The following OR6Y1 variants were observed in gnomAD, a reference collection of about 807,000 sequenced individuals.
OR6Y1 encodes the protein olfactory receptor 6Y1.
A neutral mutation model predicts 0.4 loss-of-function variants in OR6Y1; 1 was observed. The ratio of observed to expected loss-of-function variants is 2.74; its 90% CI spans 0.97 to 13.02. The LOEUF is 13.02. Among genes scored for constraint, OR6Y1 ranks in the 30% most tolerant of loss-of-function variants. The pLI is 0.12. For synonymous variants in OR6Y1, 173 were observed against 141.1 expected (o/e 1.23, Z -1.60); for missense variants, 480 against 399.8 (o/e 1.20, Z -1.71).
Position 158,548,054 on chromosome 1 carries a change from T to C in OR6Y1, c.52A>G (p.Ile18Val). 1.2e-6 allele frequency: 2 copies of C among 1,613,478 alleles called. No homozygotes were observed. The highest frequency in any genetic ancestry group is 1.7e-6 in the Non-Finnish European group (2 of 1,179,954). The change falls in exon 2 of 2, where the codon ATT becomes GTT. Residue 18 changes from isoleucine (I) to valine (V), a missense_variant. Physicochemically the swap from Ile to Val is conservative, Grantham distance 29 (BLOSUM62 3). Coordinates refer to ENST00000641622, the MANE Select transcript of OR6Y1 (RefSeq NM_001005189.2). ...VDNHTVTTRF[I>V]LLGFPTRPAF... ...GGTCGTGTTGGAAACCCCAGAAGAA[T>C]GAAACGTGTTGTCACTGTATGATTA...
rs1647643894 is a variant in OR6Y1, at chr1:158,549,519, A to C, written c.-1414T>G. 6.6e-6 allele frequency: 1 copy of C among 151,480 alleles called. No homozygotes were observed. The highest frequency in any genetic ancestry group is 6.6e-5 in the Admixed American group (1 of 15,230). The allele number at this position is 151,480 out of a possible 1,614,324, so 9.4% of individuals were successfully genotyped here. A position where few individuals can be genotyped will look rare whatever the true frequency, so the allele number is the denominator to read the frequency against. ...TACTATCCATTTCCTCTTCCCACTT[A>C]GATTTCAGCTTTAGATTCCTGAAAG... On this transcript the variant is annotated 5_prime_UTR_variant, in exon 2 of 2. An upstream open reading frame in the 5' UTR loses its in-frame stop. Coordinates refer to ENST00000641622, the MANE Select transcript of OR6Y1 (RefSeq NM_001005189.2).
At position 158,546,181 on chromosome 1, in the gene OR6Y1, C is replaced by A. The variant is rs1647524486; in HGVS notation, c.*947G>T. ...CCAGTCATATTGTCTTAGGGCCCAC[C>A]CTAGCAGTCAAATTTTAGCTCGATT... On this transcript the variant is annotated 3_prime_UTR_variant, in exon 2 of 2. Transcript: ENST00000641622. 1 of 152,004 alleles carries A rather than the reference C, an allele frequency of 6.6e-6. No individual in the cohort carries two copies. The highest frequency in any genetic ancestry group is 2.1e-4 in the South Asian group (1 of 4,816). The allele number at this position is 152,004 out of a possible 1,614,324, so 9.4% of individuals were successfully genotyped here. A position where few individuals can be genotyped will look rare whatever the true frequency, so the allele number is the denominator to read the frequency against.
intron 1 of OR6Y1, among the ~76,000 whole-genome samples, chr1:158,551,924 A>T (rs1433543375): frequency 6.7e-6 from 1 of 148,962 alleles, no homozygotes; most frequent in East Asian, 1.9e-4. Flanking sequence ...ACTTTGCCTG[A>T]TTTTTTCCAG....
intron 1 of OR6Y1, among the ~76,000 whole-genome samples, chr1:158,549,966 C>T (rs1358861578): frequency 6.6e-6 from 1 of 151,772 alleles, no homozygotes; most frequent in Non-Finnish European, 1.5e-5. Flanking sequence ...ATGTTTCTAG[C>T]TATTGAGGGT....
At chr1:158,550,947 A>G (rs6697656) in intron 1 of OR6Y1, among the ~76,000 whole-genome samples, 91,645 of 151,662 alleles carry the variant, frequency 0.6, 28,477 homozygotes, top group African/African-American at 0.72. Flanking sequence ...CCATCATGGA[A>G]TTAGCACCAA....
chr1:158,545,562 CAT>C lies in OR6Y1; in HGVS notation c.*1564_*1565del, dbSNP rs1471201044. The C allele has an allele frequency of 1.3e-5, 2 of 151,904 alleles. No homozygotes were observed. The highest frequency in any genetic ancestry group is 2.9e-5 in the Non-Finnish European group (2 of 67,946). The allele number at this position is 151,904 out of a possible 1,614,324, so 9.4% of individuals were successfully genotyped here. A position where few individuals can be genotyped will look rare whatever the true frequency, so the allele number is the denominator to read the frequency against. On this transcript the variant is annotated 3_prime_UTR_variant, in exon 2 of 2. Coordinates refer to ENST00000641622, the MANE Select transcript of OR6Y1 (RefSeq NM_001005189.2). ...TCTAATGATCAGTGAGCCTTTTTTT[CAT>C]ATGATTGTTGGCTGCATGTATGTTT...
intron 1 of OR6Y1, among the ~76,000 whole-genome samples, chr1:158,550,226 A>C (rs556475722): frequency 6.6e-6 from 1 of 150,880 alleles, no homozygotes; most frequent in Non-Finnish European, 1.5e-5. Flanking sequence ...TTCCTTTGCA[A>C]TAGATATTGT....
Position 158,547,599 on chromosome 1 carries a change from T to A in OR6Y1, c.507A>T (p.Ala169=). ...GAGGCATGCCACAGTAGTGAAGTTG[T>A]GCTATAAAAACCATCTTAATCATGG... The part of the protein sequence containing the change: ...MTAMIKMVFI[A]QLHYCGMPQI... The change falls in exon 2 of 2, where the codon GCA becomes GCT. Residue 169 remains alanine (A), a synonymous_variant. Transcript: ENST00000641622. The A allele has an allele frequency of 4.3e-6, 7 of 1,613,206 alleles. No individual in the cohort carries two copies. The highest frequency in any genetic ancestry group is 5.9e-6 in the Non-Finnish European group (7 of 1,179,890).
intron 1 of OR6Y1, among the ~76,000 whole-genome samples, chr1:158,551,059 T>G (rs1030701262): frequency 4.0e-5 from 6 of 151,844 alleles, no homozygotes; most frequent in Non-Finnish European, 7.4e-5. Context: ...CAAATTTATT[T>G]TTTATAATCC....
chr1:158,547,961 G>A lies in OR6Y1; in HGVS notation c.145C>T (p.Leu49Phe), dbSNP rs1647598790. 2 of 1,613,442 alleles carry A rather than the reference G, an allele frequency of 1.2e-6. No individual in the cohort carries two copies. The highest frequency in any genetic ancestry group is 2.7e-5 in the African/African-American group (2 of 74,470). ...TCACTGTGGATAGCTAAGATGATAA[G>A]AAGATTCTCCAGCAGTGTCAGCAGA... is the stretch of plus-strand genomic sequence containing the variant. ...TYLLTLLENL[L>F]IILAIHSDGQ... Residue 49 changes from leucine (L) to phenylalanine (F), a missense_variant, in exon 2 of 2, where the codon CTT (leucine) becomes TTT (phenylalanine). Leu to Phe is a conservative substitution (Grantham distance 22, BLOSUM62 0). Coordinates refer to ENST00000641622, the MANE Select transcript of OR6Y1 (RefSeq NM_001005189.2).
chr1:158,553,078 T>G (rs528061980), intron 1 of OR6Y1, among the ~76,000 whole-genome samples: 3 of 152,330 alleles, frequency 2.0e-5, no homozygotes, highest in Admixed American at 6.5e-5. Context: ...AAAAAATATC[T>G]ATTTCATATC....
rs1189418167 is a variant in OR6Y1 at position 158,546,319 on chromosome 1, C to A, written c.*809G>T. ...TGGGACATAACTTTGCCCATAACAA[C>A]TACCTATTTTTAAAATTATGTTTAT... On this transcript the variant is annotated 3_prime_UTR_variant, in exon 2 of 2. Transcript: ENST00000641622. 2 of 152,126 alleles carry A rather than the reference C, an allele frequency of 1.3e-5. No homozygotes were observed. Among genetic ancestry groups the A allele is most frequent in the African/African-American group, 2.4e-5 (1 of 41,410 alleles). 9.4% of individuals were successfully genotyped at this position (152,126 alleles called of 1,614,324 possible).
chr1:158,551,744 A>T (rs1042720987), intron 1 of OR6Y1, among the ~76,000 whole-genome samples: 6 of 31,198 alleles, frequency 1.9e-4, no homozygotes, highest in Admixed American at 2.6e-4. Context: ...TGTAGTGATT[A>T]CACACACACA....
Position 158,545,007 on chromosome 1 carries a change from G to A in OR6Y1, c.*2121C>T, listed in dbSNP as rs1380112087. ...TGCTGCAATAAACATACATGTGCATGTGTCTTTATAGTAGAATGATTTATA... is the reference window on the plus strand; with the variant it reads ...TGCTGCAATAAACATACATGTGCATATGTCTTTATAGTAGAATGATTTATA... On this transcript the variant is annotated 3_prime_UTR_variant, in exon 2 of 2. Coordinates refer to ENST00000641622, the MANE Select transcript of OR6Y1 (RefSeq NM_001005189.2). 6.6e-6 allele frequency: 1 copy of A among 152,052 alleles called. No homozygotes were observed. The highest frequency in any genetic ancestry group is 1.5e-5 in the Non-Finnish European group (1 of 68,004). The allele number at this position is 152,052 out of a possible 1,614,324, so 9.4% of individuals were successfully genotyped here.
rs1284726720 is a variant in OR6Y1, at chr1:158,546,998, CAT to C, written c.*128_*129del. On this transcript the variant is annotated 3_prime_UTR_variant, in exon 2 of 2. Coordinates refer to ENST00000641622, the MANE Select transcript of OR6Y1 (RefSeq NM_001005189.2). The stretch of plus-strand genomic sequence containing the variant: ...ATGATTGTGTATACACACACACACA[CAT>C]GCACACACACACAGAGGAGAGCAGT... 2 of 830,740 alleles carry C rather than the reference CAT, an allele frequency of 2.4e-6. No homozygotes were observed. The highest frequency in any genetic ancestry group is 2.5e-5 in the East Asian group (1 of 39,924). 51.5% of individuals were successfully genotyped at this position (830,740 alleles called of 1,614,324 possible).
chr1:158,554,222 A>G (rs1647775949), intron 1 of OR6Y1, 44 bp downstream of exon 1: 1 of 152,266 alleles, frequency 6.6e-6, no homozygotes, highest in African/African-American at 2.4e-5. Flanking sequence ...AAAGATGGCT[A>G]AATTCCCCTT....
At position 158,547,157 on chromosome 1, in the gene OR6Y1, G is replaced by T; in HGVS notation, c.949C>A (p.Pro317Thr). 6.2e-7 allele frequency: 1 copy of T among 1,613,140 alleles called. No individual in the cohort carries two copies. The highest frequency in any genetic ancestry group is 1.7e-4 in the Middle Eastern group (1 of 6,052). Reference protein sequence around the residue: ...RKTIHCRGSGPQGNGAFSS With the variant: ...RKTIHCRGSGTQGNGAFSS ...CTACTGAAAGCCCCATTTCCCTGGG[G>T]CCCACTTCCTCTGCAATGTATGGTC... Residue 317 changes from proline to threonine, a missense_variant, in exon 2 of 2, where the codon CCC becomes ACC. Physicochemically the swap from Pro to Thr is conservative, Grantham distance 38 (BLOSUM62 -1). Transcript: ENST00000641622.
chr1:158,552,744 C>T (rs763406882), intron 1 of OR6Y1, among the ~76,000 whole-genome samples: 5 of 152,072 alleles, frequency 3.3e-5, no homozygotes, highest in Non-Finnish European at 5.9e-5. Context: ...ATCACTTGTG[C>T]TCAATCTAGT....
In OR6Y1 at chr1:158,547,509, C is replaced by T. The variant is rs761099362; in HGVS notation, c.597G>A (p.Gln199=). The T allele has an allele frequency of 2.5e-6, 4 of 1,613,304 alleles. No homozygotes were observed. The highest frequency in any genetic ancestry group is 1.7e-5 in the Admixed American group (1 of 59,930). ...LLNVSCEDAS[Q]AEMVDFFLAL... ...CCAAGAAGAAGTCCACCATCTCAGCCTGTGAGGCATCCTCACAGGAGACGT... is the reference window on the plus strand; with the variant it reads ...CCAAGAAGAAGTCCACCATCTCAGCTTGTGAGGCATCCTCACAGGAGACGT... Residue 199 remains glutamine (Q), a synonymous_variant, in exon 2 of 2, where the codon CAG becomes CAA. Coordinates refer to ENST00000641622, the MANE Select transcript of OR6Y1 (RefSeq NM_001005189.2).
Sources: allele counts gnomAD v4.1 joint callset (sites outside exome capture counted in the v4.1 genomes callset), GRCh38; gene constraint gnomAD v4.1.1; transcripts MANE v1.5; gene names NCBI Gene and HGNC (gene_info 2026-07-23, HGNC 2026-07-21).